GPR89B: variants seen among roughly 807,000 people sequenced by gnomAD.
The protein encoded by GPR89B is G protein-coupled receptor 89B.
In GPR89B, 25 loss-of-function variants were observed where a neutral mutation model predicts 52.4. The ratio of observed to expected loss-of-function variants is 0.48; its 90% CI spans 0.35 to 0.67. The LOEUF is 0.67. GPR89B is among the 30% of genes least tolerant of loss of function. GPR89B has a pLI of 0.01. For synonymous variants in GPR89B, 52 were observed against 151.2 expected, an observed-to-expected ratio of 0.34 and a Z score of 4.81; for missense variants, 146 against 450.2, an observed-to-expected ratio of 0.32 and a Z score of 6.11.
intron 3 of GPR89B, among the ~76,000 whole-genome samples, chr1:147,940,754 C>T (rs1367453153): frequency 3.9e-5 from 6 of 152,032 alleles, no homozygotes; most frequent in African/African-American, 7.3e-5. Flanking sequence ...CATAGTTTGC[C>T]AGCTACTCAT....
chr1:147,944,985 T>G (rs1654845362), intron 5 of GPR89B, among the ~76,000 whole-genome samples: 1 of 151,514 alleles, frequency 6.6e-6, no homozygotes, highest in Admixed American at 6.6e-5. Context: ...TGTAACTAAT[T>G]TAAAGCAGAA....
chr1:147,940,826 A>T (rs1196034990), intron 3 of GPR89B, among the ~76,000 whole-genome samples: 1 of 151,038 alleles, frequency 6.6e-6, no homozygotes, highest in Non-Finnish European at 1.5e-5. Context: ...TTGGTAGATG[A>T]TGTCCCCCAA....
At chr1:147,989,605 C>T (rs1433194183) in intron 12 of GPR89B, among the ~76,000 whole-genome samples, 3 of 151,848 alleles carry the variant, frequency 2.0e-5, no homozygotes, top group African/African-American at 7.3e-5. Flanking sequence ...CGACAAGCCT[C>T]GGTGTGTGAT....
the GPR89B span, among the ~76,000 whole-genome samples, chr1:148,007,371 G>A: frequency 8.5e-5 from 13 of 152,138 alleles, no homozygotes; most frequent in African/African-American, 2.9e-4. Flanking sequence ...CACTGCGCCC[G>A]GCCTGAGCTA....
intron 3 of GPR89B, among the ~76,000 whole-genome samples, 186 bp from the exon 4 acceptor site, chr1:147,943,252 A>G (rs782129024): frequency 1.5e-4 from 23 of 152,102 alleles, no homozygotes; most frequent in Non-Finnish European, 2.2e-4. Context: ...ATGGTCATAC[A>G]TACCTTTCAA....
intron 5 of GPR89B, among the ~76,000 whole-genome samples, chr1:147,952,809 G>A (rs1410557164): frequency 6.6e-6 from 1 of 150,652 alleles, no homozygotes; most frequent in Non-Finnish European, 1.5e-5. Flanking sequence ...TGATGTGTTT[G>A]CCTTTGAATT....
intron 8 of GPR89B, chr1:147,968,057 G>A (rs1354695811): frequency 1.2e-5 from 4 of 339,362 alleles, no homozygotes; most frequent in African/African-American, 8.7e-5. Context: ...TATTTTAGAA[G>A]GGGCTATATT....
chr1:147,949,412 G>A (rs1553250405), intron 5 of GPR89B, among the ~76,000 whole-genome samples: 1,126 of 105,822 alleles, frequency 0.011, 141 homozygotes, highest in African/African-American at 0.047. Context: ...CCTCCCTCCC[G>A]GACGGGGCGG....
downstream of GPR89B, among the ~76,000 whole-genome samples, chr1:147,998,485 T>A (rs1181056342): frequency 1.1e-4 from 17 of 151,650 alleles, no homozygotes; most frequent in Non-Finnish European, 4.4e-5. Context: ...GGTGACTCAT[T>A]ACATGCAAAA....
chr1:148,015,328 T>TCTCC, the GPR89B span, among the ~76,000 whole-genome samples: 1 of 140,760 alleles, frequency 7.1e-6, no homozygotes, highest in East Asian at 2.0e-4. Flanking sequence ...TCTCTCTCTC[T>TCTCC]CTCTCTCGAC....
At chr1:148,012,915 T>G in the GPR89B span, among the ~76,000 whole-genome samples, 2 of 152,056 alleles carry the variant, frequency 1.3e-5, no homozygotes, top group Non-Finnish European at 2.9e-5. Context: ...CAGCATTATT[T>G]TTTATTGTAA....
intron 5 of GPR89B, among the ~76,000 whole-genome samples, 177 bp from the exon 6 acceptor site, chr1:147,953,168 A>AATAC (rs1161288916): frequency 1.3e-5 from 2 of 151,636 alleles, no homozygotes; most frequent in African/African-American, 4.8e-5. Flanking sequence ...CAGGAGGAAA[A>AATAC]TCAGTAAACT....
At chr1:147,995,417 T>C (rs1336924370), downstream of GPR89B, among the ~76,000 whole-genome samples, 1 of 151,588 alleles carries the variant, frequency 6.6e-6, no homozygotes, top group Non-Finnish European at 1.5e-5. Context: ...AGTAAGAAAT[T>C]TGTTGTTCTT....
At chr1:147,983,450 A>T (rs1233182094) in intron 10 of GPR89B, among the ~76,000 whole-genome samples, 1 of 152,174 alleles carries the variant, frequency 6.6e-6, no homozygotes. Flanking sequence ...TAATATCCAG[A>T]ATCTACAATG....
chr1:147,969,832 G>T (rs1207753091), intron 9 of GPR89B, 35 bp from the exon 10 acceptor site: 309 of 1,360,236 alleles, frequency 2.3e-4, no homozygotes, highest in Middle Eastern at 5.2e-4. Flanking sequence ...TTTATATTTT[G>T]CTGAAAACTA....
chr1:148,025,424 G>A, the GPR89B span, among the ~76,000 whole-genome samples: 9 of 149,378 alleles, frequency 6.0e-5, no homozygotes, highest in African/African-American at 2.2e-4. Flanking sequence ...TTGGGAGGCC[G>A]AGGCAGGAGT....
chr1:147,958,913 A>C (rs1307987416), intron 7 of GPR89B, among the ~76,000 whole-genome samples: 1 of 152,180 alleles, frequency 6.6e-6, no homozygotes, highest in Non-Finnish European at 1.5e-5. Context: ...TAGACAGCAA[A>C]CATGACAACA....
chr1:147,946,878 T>C (rs1655015604), intron 5 of GPR89B, among the ~76,000 whole-genome samples: 1 of 152,216 alleles, frequency 6.6e-6, no homozygotes, highest in South Asian at 2.1e-4. Flanking sequence ...TACAGTTTTA[T>C]GCCTGAATGT....
At chr1:147,940,588 T>C (rs587594712) in intron 3 of GPR89B, among the ~76,000 whole-genome samples, 2 of 152,334 alleles carry the variant, frequency 1.3e-5, no homozygotes, top group South Asian at 4.1e-4. Flanking sequence ...AAGGGCCAGA[T>C]AGTAAATATT....
Sources: gnomAD v4.1 joint callset for allele counts (sites outside exome capture counted in the v4.1 genomes callset) on GRCh38, gnomAD v4.1.1 for gene constraint, MANE v1.5 for transcripts, NCBI Gene and HGNC (gene_info 2026-07-23, HGNC 2026-07-21) for gene names.